Variants in TMEM266 observed in about 807,000 individuals in gnomAD.
TMEM266 encodes the protein Hv1 related protein 1.
TMEM266 carries 33 observed loss-of-function variants against 50.5 expected under a neutral mutation model. That is an observed-to-expected ratio of 0.65 (90% CI 0.50 to 0.87). The LOEUF is 0.87. TMEM266 is among the 40% of genes least tolerant of loss of function. The probability of loss-of-function intolerance (pLI) is 0.00; values close to 1 mark genes in which losing one functional copy is unlikely to be tolerated. For missense variants in TMEM266, 655 were observed against 695.1 expected, an observed-to-expected ratio of 0.94 and a Z score of 0.65; for synonymous variants, 310 against 292.3, an observed-to-expected ratio of 1.06 and a Z score of -0.62.
intron 1 of TMEM266, among the ~76,000 whole-genome samples, chr15:76,074,875 T>C (rs991978689): frequency 1.3e-5 from 2 of 151,880 alleles, no homozygotes; most frequent in Non-Finnish European, 2.9e-5. Flanking sequence ...ATTCTGGATA[T>C]ATTTTGAAGG....
intron 1 of TMEM266, among the ~76,000 whole-genome samples, chr15:76,106,528 C>T (rs1052639563): frequency 6.6e-6 from 1 of 152,162 alleles, no homozygotes; most frequent in Non-Finnish European, 1.5e-5. Flanking sequence ...CAGCCTCAAA[C>T]TCCTGAACTC....
At chr15:76,120,350 G>A (rs904923817) in intron 1 of TMEM266, among the ~76,000 whole-genome samples, 4 of 151,662 alleles carry the variant, frequency 2.6e-5, no homozygotes, top group South Asian at 2.1e-4. Flanking sequence ...TGGGGGAGGG[G>A]GATTTCTACA....
intron 3 of TMEM266, among the ~76,000 whole-genome samples, chr15:76,144,725 A>T (rs887442586): frequency 1.3e-5 from 2 of 151,842 alleles, no homozygotes; most frequent in Non-Finnish European, 2.9e-5. Context: ...CCCATCCCCA[A>T]CCAGGTGCCT....
In TMEM266 at chr15:76,120,393, A is replaced by G. The variant is rs116108041; in HGVS notation, c.-96-13775A>G. ...GTCAAATGGAAAAAGCAAAAAGCAG[A>G]TAAGTGTGAATAATATGTATTAAAA... On this transcript the variant is annotated intron_variant, in intron 1 of 10. Coordinates refer to ENST00000388942, the MANE Select transcript of TMEM266 (RefSeq NM_152335.3). Among the ~76,000 whole-genome samples the G allele has an allele frequency of 4.4e-3, 674 of 152,338 alleles. 5 individuals are homozygous for G. The highest frequency in any genetic ancestry group is 0.015 in the African/African-American group (626 of 41,580).
rs1443837351 is a variant in TMEM266, at chr15:76,153,145, AG to A, written c.228-3458del. Among the ~76,000 whole-genome samples the A allele has an allele frequency of 1.3e-5, 2 of 150,386 alleles. No homozygotes were observed. Among genetic ancestry groups the A allele is most frequent in the African/African-American group, 2.5e-5 (1 of 40,720 alleles). On this transcript the variant is annotated intron_variant, in intron 3 of 10. Transcript: ENST00000388942. This position sits in a 1 kb window ranked among gnomAD's most constrained non-coding sequence, Gnocchi z 4.2. ...GTAAGTTTCTCTAACAAAAAAAAAA[AG>A]AAGAAAAAAACGACATTTTAAACAG...
chr15:76,159,992 C>T (rs961485918), intron 4 of TMEM266, 103 bp from the exon 5 acceptor site: 6 of 1,099,604 alleles, frequency 5.5e-6, no homozygotes, highest in East Asian at 4.8e-5. Flanking sequence ...TTCATGCAGG[C>T]GGGCCCCGGG....
At position 76,197,949 on chromosome 15, in the gene TMEM266, C is replaced by T. The variant is rs570240689; in HGVS notation, c.959-4253C>T. ...TGAGCATTGGCACCGCTGCACTTGA[C>T]GGGCTTTTAGGAGGATTAGTCAGGT... On this transcript the variant is annotated intron_variant, in intron 9 of 10. Coordinates refer to ENST00000388942, the MANE Select transcript of TMEM266 (RefSeq NM_152335.3). 4.2e-4 allele frequency among the ~76,000 whole-genome samples: 64 copies of T among 152,344 alleles called. 1 individual carries two copies. The South Asian group carries it at 9.9e-3, about 24-fold the overall frequency.
At chr15:76,106,733 A>T (rs2037086018) in intron 1 of TMEM266, among the ~76,000 whole-genome samples, 1 of 152,270 alleles carries the variant, frequency 6.6e-6, no homozygotes, top group Non-Finnish European at 1.5e-5. Context: ...GGCGTGAGCC[A>T]CCATGACCAG....
chr15:76,202,308 C>A, intron 10 of TMEM266, 44 bp downstream of exon 10: 2 of 1,551,608 alleles, frequency 1.3e-6, no homozygotes, highest in Admixed American at 1.8e-5. Flanking sequence ...ACAACCCCAG[C>A]AATCCCTAAA....
chr15:76,115,477 C>T (rs745638689), intron 1 of TMEM266, among the ~76,000 whole-genome samples: 2 of 152,198 alleles, frequency 1.3e-5, no homozygotes, highest in Admixed American at 6.5e-5. Flanking sequence ...GCTCTCTGCT[C>T]TCTGGCTCCT....
chr15:76,090,698 G>T (rs2036837226), intron 1 of TMEM266, among the ~76,000 whole-genome samples: 1 of 151,942 alleles, frequency 6.6e-6, no homozygotes, highest in Non-Finnish European at 1.5e-5. Flanking sequence ...GGATTTGGGA[G>T]CTAAAACAAT....
chr15:76,079,266 T>C (rs1040500586), intron 1 of TMEM266, among the ~76,000 whole-genome samples: 3 of 148,988 alleles, frequency 2.0e-5, no homozygotes, highest in African/African-American at 7.5e-5. Context: ...GGCTGGAGAA[T>C]CGCTTGAACC....
rs1161667672 is a variant in TMEM266, at chr15:76,130,244, AAAAAAAAAAAC to A, written c.-96-3923_-96-3913del. ...AAAAAAAAAAAAAAAAAAAAAAAAA[AAAAAAAAAAAC>A]CGCCGGGTGCAGTGTCTCATGCCTG... On this transcript the variant is annotated intron_variant, in intron 1 of 10. Transcript: ENST00000388942. 8.8e-3 allele frequency among the ~76,000 whole-genome samples: 879 copies of A among 100,268 alleles called. 80 individuals carry two copies. The highest frequency in any genetic ancestry group is 0.016 in the African/African-American group (292 of 18,448). 65.8% of individuals were successfully genotyped at this position (100,268 alleles called of 152,430 possible).
chr15:76,159,922 C>T (rs1247638801), intron 4 of TMEM266, among the ~76,000 whole-genome samples, 173 bp from the exon 5 acceptor site: 1 of 152,204 alleles, frequency 6.6e-6, no homozygotes, highest in African/African-American at 2.4e-5. Flanking sequence ...ACTGCCTTCA[C>T]TGCAGACGCC....
intron 1 of TMEM266, among the ~76,000 whole-genome samples, chr15:76,066,931 C>T (rs899340384): frequency 1.6e-4 from 25 of 152,112 alleles, no homozygotes; most frequent in African/African-American, 5.8e-4. Flanking sequence ...GGATATTTAG[C>T]AGCATCCGTG....
chr15:76,078,807 A>C (rs2036642183), intron 1 of TMEM266, among the ~76,000 whole-genome samples: 1 of 152,204 alleles, frequency 6.6e-6, no homozygotes, highest in Non-Finnish European at 1.5e-5. Context: ...GTGGCTTAAA[A>C]CAATGGAAAT....
intron 1 of TMEM266, among the ~76,000 whole-genome samples, chr15:76,060,937 C>G (rs1250993973): frequency 6.6e-6 from 1 of 152,118 alleles, no homozygotes; most frequent in Non-Finnish European, 1.5e-5. Context: ...ATTTGATGCC[C>G]TATATGTGAG....
chr15:76,129,191 A>T (rs537028341), intron 1 of TMEM266, among the ~76,000 whole-genome samples: 1 of 152,218 alleles, frequency 6.6e-6, no homozygotes, highest in African/African-American at 2.4e-5. Flanking sequence ...GGCTGTTAGT[A>T]TAATAAAAAG....
chr15:76,147,671 A>T (rs1199516091), intron 3 of TMEM266, among the ~76,000 whole-genome samples: 2 of 152,222 alleles, frequency 1.3e-5, no homozygotes, highest in South Asian at 2.1e-4. Flanking sequence ...ATTTTTCCTG[A>T]TGAGCACTGG....
Sources: gnomAD v4.1 joint callset for allele counts (sites outside exome capture counted in the v4.1 genomes callset) on GRCh38, gnomAD v4.1.1 for gene constraint, Gnocchi (gnomAD v3.1) non-coding constraint, MANE v1.5 for transcripts, NCBI Gene and HGNC (gene_info 2026-07-23, HGNC 2026-07-21) for gene names.